The following FREM3 variants were observed in gnomAD, a reference collection of about 807,000 sequenced individuals.
FREM3 encodes the protein FRAS1-related extracellular matrix protein 3.
In FREM3, 105 loss-of-function variants were observed where a neutral mutation model predicts 129.1. The observed-to-expected ratio is 0.81, with a 90% CI of 0.69 to 0.96. The LOEUF is 0.96. FREM3 is among the 40% of genes least tolerant of loss of function. The pLI, the probability that FREM3 is intolerant of heterozygous loss-of-function variation, is 0.00. For missense variants in FREM3, 2,593 were observed against 2,666.3 expected, an observed-to-expected ratio of 0.97 and a Z score of 0.61; for synonymous variants, 1,014 against 1,044.9, an observed-to-expected ratio of 0.97 and a Z score of 0.57.
At chr4:143,662,594 T>G (rs1006472066) in intron 2 of FREM3, among the ~76,000 whole-genome samples, 6 of 151,294 alleles carry the variant, frequency 4.0e-5, no homozygotes, top group Admixed American at 1.3e-4. Context: ...AGATGTCTAT[T>G]AGGTCCGCTT....
intron 6 of FREM3, among the ~76,000 whole-genome samples, chr4:143,591,468 T>A (rs1738361479): frequency 1.3e-5 from 2 of 152,250 alleles, no homozygotes; most frequent in Non-Finnish European, 1.5e-5. Flanking sequence ...TCAAAGAACA[T>A]CTTCATTTCT....
In FREM3 at chr4:143,695,939, G is replaced by T. The variant is rs1578874352; in HGVS notation, c.4737C>A (p.Val1579=). ...DDLILFTITQ[V]PMHGKILYNG... ...TGTACAAAATCTTGCCATGCATGGG[G>T]ACCTGGGTGATGGTAAAGAGAATAA... The change falls in exon 1 of 8, where the codon GTC becomes GTA. Residue 1579 remains valine, a synonymous_variant. Transcript: ENST00000329798. 4.6e-6 allele frequency: 7 copies of T among 1,537,790 alleles called. 1 individual carries two copies. The highest frequency in any genetic ancestry group is 1.4e-5 in the African/African-American group (1 of 73,052).
Position 143,697,160 on chromosome 4 carries a change from A to C in FREM3, c.3516T>G (p.Asp1172Glu), listed in dbSNP as rs760363446. The change falls in exon 1 of 8, where the codon GAT becomes GAG. Residue 1172 changes from aspartate to glutamate, a missense_variant. Transcript: ENST00000329798. Reference sequence around the variant, plus strand: ...AGACATTTGGGGAGAAGTTGATGCCATCAGAGCAATAAAAGGTGAATTGGT... The same window carrying C: ...AGACATTTGGGGAGAAGTTGATGCCCTCAGAGCAATAAAAGGTGAATTGGT... ...QEDQFTFYCS[D>E]GINFSPNVFF... 6.5e-7 allele frequency: 1 copy of C among 1,537,946 alleles called. No individual in the cohort carries two copies. The highest frequency in any genetic ancestry group is 1.2e-5 in the South Asian group (1 of 84,066).
chr4:143,599,517 G>A (rs1228667500), intron 6 of FREM3, among the ~76,000 whole-genome samples: 1 of 152,096 alleles, frequency 6.6e-6, no homozygotes, highest in Non-Finnish European at 1.5e-5. Flanking sequence ...TTTCTGCATT[G>A]GGATGTCATC....
At chr4:143,623,268 A>C (rs1043421869) in intron 4 of FREM3, among the ~76,000 whole-genome samples, 1 of 152,100 alleles carries the variant, frequency 6.6e-6, no homozygotes, top group Non-Finnish European at 1.5e-5. Context: ...TAGTTCCTAG[A>C]CTTGTTTGAT....
At chr4:143,591,489 C>A (rs1396335204) in intron 6 of FREM3, among the ~76,000 whole-genome samples, 1 of 152,150 alleles carries the variant, frequency 6.6e-6, no homozygotes, top group Admixed American at 6.5e-5. Context: ...GCCTTCATTT[C>A]GTTATGTACC....
chr4:143,623,497 C>A (rs1255612851), intron 4 of FREM3, among the ~76,000 whole-genome samples: 1 of 105,796 alleles, frequency 9.5e-6, no homozygotes, highest in Non-Finnish European at 1.7e-5. Flanking sequence ...TACTAATCCC[C>A]CCCCCCCCCC....
At chr4:143,621,274 A>T in intron 4 of FREM3, 112 bp from the exon 5 acceptor site, 1 of 937,740 alleles carries the variant, frequency 1.1e-6, no homozygotes, top group Non-Finnish European at 1.6e-6. Context: ...TTCCAACATG[A>T]TTAACTGTAT....
intron 2 of FREM3, among the ~76,000 whole-genome samples, chr4:143,677,740 G>A (rs140960365): frequency 0.02 from 3,120 of 152,286 alleles, 136 homozygotes; most frequent in African/African-American, 0.072. Flanking sequence ...GACATGAACA[G>A]ACACTTCTCA....
intron 2 of FREM3, among the ~76,000 whole-genome samples, chr4:143,655,134 C>T (rs1489811867): frequency 6.6e-6 from 1 of 152,038 alleles, no homozygotes; most frequent in African/African-American, 2.4e-5. Flanking sequence ...GTCAGTAATC[C>T]CTTCCAGATA....
intron 6 of FREM3, among the ~76,000 whole-genome samples, chr4:143,609,688 G>A (rs13128589): frequency 0.33 from 50,709 of 151,940 alleles, 9,775 homozygotes; most frequent in South Asian, 0.44. Flanking sequence ...ATAATGCCAT[G>A]TCATCATTTT....
intron 2 of FREM3, among the ~76,000 whole-genome samples, chr4:143,664,379 A>G (rs1184989903): frequency 2.6e-5 from 4 of 152,146 alleles, no homozygotes; most frequent in Non-Finnish European, 5.9e-5. Flanking sequence ...AGGTAGCAGC[A>G]GCGGTGTCTG....
intron 2 of FREM3, among the ~76,000 whole-genome samples, chr4:143,639,479 A>G (rs1449262819): frequency 6.6e-6 from 1 of 152,096 alleles, no homozygotes; most frequent in African/African-American, 2.4e-5. Context: ...GACCTTTCTG[A>G]GTTCCTTTTC....
intron 2 of FREM3, among the ~76,000 whole-genome samples, chr4:143,679,736 T>C (rs1740217751): frequency 6.6e-6 from 1 of 152,150 alleles, no homozygotes; most frequent in Non-Finnish European, 1.5e-5. Flanking sequence ...TGCCTCTCAT[T>C]GCCTCTGGAA....
At chr4:143,606,062 A>C (rs994838571) in intron 6 of FREM3, among the ~76,000 whole-genome samples, 1 of 152,156 alleles carries the variant, frequency 6.6e-6, no homozygotes. Flanking sequence ...ATTAAGTAGC[A>C]TGCTGTTTGC....
intron 2 of FREM3, among the ~76,000 whole-genome samples, chr4:143,669,279 T>C (rs1440099743): frequency 6.6e-6 from 1 of 152,164 alleles, no homozygotes; most frequent in African/African-American, 2.4e-5. Flanking sequence ...TATTCTTAGC[T>C]GTGCTTTTAA....
Position 143,639,857 on chromosome 4 carries a change from A to C in FREM3, c.5276-12097T>G, listed in dbSNP as rs75848920. On this transcript the variant is annotated intron_variant, in intron 2 of 7. Coordinates refer to ENST00000329798, the MANE Select transcript of FREM3 (RefSeq NM_001168235.2). ...GGAACAGTCATACTTGATATTTGAC[A>C]AATGGAGTACCTGCAGTTTAGTAAC... Among the ~76,000 whole-genome samples, 392 of 152,306 alleles carry C rather than the reference A, an allele frequency of 2.6e-3. 3 individuals carry two copies. The highest frequency in any genetic ancestry group is 9.0e-3 in the African/African-American group (373 of 41,580).
In FREM3 at chr4:143,698,976, A is replaced by G; in HGVS notation, c.1700T>C (p.Leu567Pro). The stretch of plus-strand genomic sequence containing the variant: ...CTCAGAGTCAATATCAGTAGCACTC[A>G]GTACAAAGGGAGAGATCTGGACCAC... Reference protein sequence around the residue: ...GQVVQISPFVLSATDIDSEDS... With the variant: ...GQVVQISPFVPSATDIDSEDS... Residue 567 changes from leucine to proline, a missense_variant, in exon 1 of 8, where the codon CTG becomes CCG. By Grantham distance (98) the Leu-to-Pro change is moderately conservative. Around this residue, in one of 2 missense-constraint regions of FREM3, gnomAD observed 2,276 missense variants for 2,267.2 expected, o/e 1.00. Coordinates refer to ENST00000329798, the MANE Select transcript of FREM3 (RefSeq NM_001168235.2). 2 of 1,537,294 alleles carry G rather than the reference A, an allele frequency of 1.3e-6. No individual in the cohort carries two copies. The highest frequency in any genetic ancestry group is 1.7e-6 in the Non-Finnish European group (2 of 1,146,916).
intron 2 of FREM3, among the ~76,000 whole-genome samples, chr4:143,688,091 T>C (rs974070928): frequency 3.9e-5 from 6 of 152,140 alleles, no homozygotes; most frequent in African/African-American, 1.4e-4. Flanking sequence ...TTGCTGACGC[T>C]ATGATCATTT....
Sources: allele counts gnomAD v4.1 joint callset (sites outside exome capture counted in the v4.1 genomes callset), GRCh38; gene constraint gnomAD v4.1.1; regional missense constraint gnomAD v4.1.1; transcripts MANE v1.5; gene names NCBI Gene and HGNC (gene_info 2026-07-23, HGNC 2026-07-21).